Variants in CCDC125 observed in about 807,000 individuals in gnomAD.
CCDC125 encodes coiled-coil domain-containing protein 125.
A neutral mutation model predicts 57.4 loss-of-function variants in CCDC125; 43 were observed. The observed-to-expected ratio is 0.75, with a 90% CI of 0.59 to 0.97. The LOEUF (loss-of-function observed/expected upper bound fraction) is 0.97. Ranked by LOEUF, CCDC125 falls within the 50% of genes least tolerant of loss-of-function variation. The pLI, the probability that CCDC125 is intolerant of heterozygous loss-of-function variation, is 0.00. For synonymous variants in CCDC125, 187 were observed against 195.2 expected, an observed-to-expected ratio of 0.96 and a Z score of 0.35; for missense variants, 563 against 595.7, an observed-to-expected ratio of 0.95 and a Z score of 0.57.
intron 1 of CCDC125, among the ~76,000 whole-genome samples, chr5:69,324,807 G>A (rs1030173995): frequency 5.9e-5 from 9 of 152,130 alleles, no homozygotes; most frequent in African/African-American, 1.9e-4. Flanking sequence ...GAGGCCAGGA[G>A]TTCGAAACCA....
intron 11 of CCDC125, among the ~76,000 whole-genome samples, chr5:69,283,376 C>T (rs868193079): frequency 3.3e-5 from 5 of 152,016 alleles, no homozygotes; most frequent in African/African-American, 9.6e-5. Context: ...CCCGCCACCA[C>T]ACCCAGCTAA....
rs760623546 is a variant in CCDC125, at chr5:69,282,698, A to ATG, written c.*30_*31insCA. ...TTTTCAAAGTATCTCGATATAAACAACTCTCAGTTCCAATTTCAACTGGCT... is the reference window on the plus strand; with the variant it reads ...TTTTCAAAGTATCTCGATATAAACAATGCTCTCAGTTCCAATTTCAACTGGCT... On this transcript the variant is annotated 3_prime_UTR_variant, in exon 12 of 12. Coordinates refer to ENST00000396496, the MANE Select transcript of CCDC125 (RefSeq NM_176816.5). 5.2e-5 allele frequency: 79 copies of ATG among 1,512,208 alleles called. No individual in the cohort carries two copies. Among genetic ancestry groups the ATG allele is most frequent in the Non-Finnish European group, 6.8e-5 (76 of 1,124,786 alleles). 93.7% of individuals were successfully genotyped at this position (1,512,208 alleles called of 1,614,324 possible). A position where few individuals can be genotyped will look rare whatever the true frequency, so the allele number is the denominator to read the frequency against.
intron 1 of CCDC125, among the ~76,000 whole-genome samples, chr5:69,327,218 C>T (rs1295980815): frequency 1.3e-5 from 2 of 151,696 alleles, no homozygotes. Context: ...CCTCAGCCTC[C>T]TGAGCGGTTG....
At chr5:69,299,838 G>T (rs1463006913) in intron 8 of CCDC125, among the ~76,000 whole-genome samples, 174 bp downstream of exon 8, 1 of 152,212 alleles carries the variant, frequency 6.6e-6, no homozygotes, top group Non-Finnish European at 1.5e-5. Context: ...CCTGTATGAA[G>T]GGCATGGAAC....
intron 10 of CCDC125, among the ~76,000 whole-genome samples, chr5:69,286,404 T>C (rs1561404101): frequency 6.6e-6 from 1 of 151,180 alleles, no homozygotes; most frequent in Non-Finnish European, 1.5e-5. Context: ...GCTAATTTTT[T>C]TGTATTTTTA....
intron 3 of CCDC125, chr5:69,313,590 G>A: frequency 1.4e-6 from 1 of 731,662 alleles, no homozygotes; most frequent in Non-Finnish European, 2.6e-6. Context: ...CCTCCTTCTT[G>A]CTCTCTTGGT....
At chr5:69,330,112 C>T (rs553013704) in intron 1 of CCDC125, among the ~76,000 whole-genome samples, 20 of 152,308 alleles carry the variant, frequency 1.3e-4, no homozygotes, top group South Asian at 6.2e-4. Context: ...CCAGGTCCAC[C>T]TGACTCCTGA....
chr5:69,308,556 TG>T, intron 4 of CCDC125: 1 of 194,018 alleles, frequency 5.2e-6, no homozygotes, highest in Non-Finnish European at 1.0e-5. Flanking sequence ...ACCATGATTC[TG>T]AGACCTCCCC....
rs1018502084 is a variant in CCDC125, at chr5:69,320,344, C to T, written c.197G>A (p.Gly66Glu). 10 of 1,613,868 alleles carry T rather than the reference C, an allele frequency of 6.2e-6. No homozygotes were observed. The highest frequency in any genetic ancestry group is 8.5e-6 in the Non-Finnish European group (10 of 1,179,962). ...AAAACTCGCTTCATTTCTTTCTTCT[C>T]CCTTTCTCGGAAATGGAGGAGGGCT... ...NFSPPPFPRK[G>E]EERNEASFQY... Residue 66 changes from glycine (G) to glutamate (E), a missense_variant, in exon 2 of 12, where the codon GGA becomes GAA. By Grantham distance (98) the Gly-to-Glu change is moderately conservative. Coordinates refer to ENST00000396496, the MANE Select transcript of CCDC125 (RefSeq NM_176816.5).
chr5:69,273,297 A>G, the CCDC125 span, among the ~76,000 whole-genome samples: 2 of 149,862 alleles, frequency 1.3e-5, no homozygotes, highest in African/African-American at 5.1e-5. Flanking sequence ...ATACATGTCT[A>G]TTTCACATAA....
At chr5:69,328,558 TATACAA>T (rs1379426523) in intron 1 of CCDC125, among the ~76,000 whole-genome samples, 1 of 152,086 alleles carries the variant, frequency 6.6e-6, no homozygotes, top group Non-Finnish European at 1.5e-5. Context: ...AATGCTCACA[TATACAA>T]GTGTAAAACA....
intron 7 of CCDC125, among the ~76,000 whole-genome samples, chr5:69,301,469 A>T (rs1360781908): frequency 3.3e-5 from 5 of 150,036 alleles, no homozygotes; most frequent in Admixed American, 6.7e-5. Flanking sequence ...GTCTACAAAA[A>T]TTTTTTTTTT....
intron 5 of CCDC125, 62 bp downstream of exon 5, chr5:69,307,889 T>G (rs1757584860): frequency 2.3e-6 from 3 of 1,303,484 alleles, no homozygotes; most frequent in Middle Eastern, 1.8e-4. Flanking sequence ...ATGGTGAGTT[T>G]AGGGAAATTA....
intron 5 of CCDC125, chr5:69,307,728 G>A: frequency 3.9e-6 from 2 of 516,084 alleles, no homozygotes; most frequent in Non-Finnish European, 6.9e-6. Flanking sequence ...AATTTGGCAG[G>A]CCTCCTACTA....
At chr5:69,299,945 G>T in intron 8 of CCDC125, 67 bp downstream of exon 8, 1 of 1,179,234 alleles carries the variant, frequency 8.5e-7, no homozygotes. Flanking sequence ...GTACACAAGG[G>T]CAATGGGAGA....
In CCDC125 at chr5:69,286,703, T is replaced by C. The variant is rs571863317; in HGVS notation, c.1100-1236A>G. ...TTGCAGAAGTTATAAAATCTCAGAT[T>C]GTACAAGGAAAATTTCAAGAATGTT... is the stretch of plus-strand genomic sequence containing the variant. On this transcript the variant is annotated intron_variant, in intron 10 of 11. Transcript: ENST00000396496. 2.4e-4 allele frequency among the ~76,000 whole-genome samples: 36 copies of C among 152,168 alleles called. 1 individual carries two copies. The highest frequency in any genetic ancestry group is 1.9e-3 in the South Asian group (9 of 4,822).
chr5:69,314,236 G>A (rs573389252), intron 2 of CCDC125, among the ~76,000 whole-genome samples, 190 bp from the exon 3 acceptor site: 119 of 152,120 alleles, frequency 7.8e-4, no homozygotes, highest in Non-Finnish European at 1.5e-3. Flanking sequence ...AGGCCGAGGC[G>A]GGCAGATCAC....
chr5:69,315,462 CAAAAAAAAAAAAG>C (rs1758904188), intron 2 of CCDC125, among the ~76,000 whole-genome samples: 1 of 24,684 alleles, frequency 4.1e-5, no homozygotes, highest in African/African-American at 9.4e-5. Context: ...AAAAAAAAAA[CAAAAAAAAAAAAG>C]GCCAGGTGTG....
At chr5:69,324,106 T>C (rs1760432008) in intron 1 of CCDC125, among the ~76,000 whole-genome samples, 1 of 152,136 alleles carries the variant, frequency 6.6e-6, no homozygotes, top group Admixed American at 6.6e-5. Context: ...CTTCCACTAT[T>C]AAACCTTATG....
Sources: gnomAD v4.1 joint callset for allele counts (sites outside exome capture counted in the v4.1 genomes callset) on GRCh38, gnomAD v4.1.1 for gene constraint, MANE v1.5 for transcripts, NCBI Gene and HGNC (gene_info 2026-07-23, HGNC 2026-07-21) for gene names.